The following SUMF1 variants were observed in gnomAD, a reference collection of about 807,000 sequenced individuals.
The protein encoded by SUMF1 is sulfatase modifying factor 1.
A neutral mutation model predicts 47.6 loss-of-function variants in SUMF1; 48 were observed. The observed-to-expected ratio is 1.01, with a 90% CI of 0.80 to 1.28. The LOEUF is 1.28. Ranked by LOEUF, SUMF1 falls within the 50% of genes most tolerant of loss-of-function variation. The pLI is 0.00. For synonymous variants in SUMF1, 230 were observed against 192.1 expected (o/e 1.20, Z -1.63); for missense variants, 571 against 485.4 (o/e 1.18, Z -1.66).
intron 8 of SUMF1, among the ~76,000 whole-genome samples, chr3:4,218,756 T>C (rs1377705144): frequency 6.6e-6 from 1 of 152,182 alleles, no homozygotes; most frequent in African/African-American, 2.4e-5. Flanking sequence ...AATTGAAAAC[T>C]AGACTAACTA....
intron 1 of SUMF1, among the ~76,000 whole-genome samples, chr3:4,462,905 G>A (rs921571420): frequency 6.6e-6 from 1 of 152,182 alleles, no homozygotes; most frequent in Non-Finnish European, 1.5e-5. Flanking sequence ...TGAGCTATAT[G>A]ATTCCTTTAA....
At chr3:4,269,791 G>C (rs1359506852) in intron 8 of SUMF1, among the ~76,000 whole-genome samples, 1 of 152,124 alleles carries the variant, frequency 6.6e-6, no homozygotes, top group African/African-American at 2.4e-5. Context: ...AATTCTACCA[G>C]AAATGCATCC....
At chr3:4,121,518 C>CT (rs1395320964) in intron 8 of SUMF1, among the ~76,000 whole-genome samples, 5 of 152,170 alleles carry the variant, frequency 3.3e-5, no homozygotes, top group Admixed American at 1.3e-4. Flanking sequence ...GGTAGACCTT[C>CT]TTTTTTTCTG....
At chr3:4,437,374 G>A (rs1702436577) in intron 3 of SUMF1, among the ~76,000 whole-genome samples, 3 of 152,006 alleles carry the variant, frequency 2.0e-5, no homozygotes, top group East Asian at 3.9e-4. Context: ...ACTAAATGAG[G>A]AGATATAAAG....
intron 9 of SUMF1, among the ~76,000 whole-genome samples, chr3:4,054,607 T>A (rs1193948233): frequency 6.6e-6 from 1 of 152,176 alleles, no homozygotes; most frequent in Non-Finnish European, 1.5e-5. Flanking sequence ...CACAGTCTTT[T>A]ACCATCAAGA....
rs565917517 is a variant in SUMF1, at chr3:4,280,232, T to C, written c.1014+96098A>G. On this transcript the variant is annotated intron_variant and NMD_transcript_variant, in intron 8 of 12. Transcript: ENST00000448413. ...TTTGTCAATTAAAAATTAAAATGTT[T>C]TAAAAAATTCCAAGAGGCATTTTAT... Among the ~76,000 whole-genome samples the C allele has an allele frequency of 6.6e-5, 10 of 152,274 alleles. No individual in the cohort carries two copies. The East Asian group carries it at 1.9e-3, about 29-fold the overall frequency.
rs1003459100 is a variant in SUMF1, at chr3:4,254,275, C to G, written c.1014+122055G>C. On this transcript the variant is annotated intron_variant and NMD_transcript_variant, in intron 8 of 12. Transcript: ENST00000448413. ...AAAGCTGGATGGAGAATGACTTTGA[C>G]GAGCTGAGAGAAGAAGGCTTCAGAC... Among the ~76,000 whole-genome samples the G allele has an allele frequency of 9.0e-3, 1,365 of 151,974 alleles. 21 individuals are homozygous for G. Among genetic ancestry groups the G allele is most frequent in the African/African-American group, 0.031 (1,304 of 41,440 alleles).
At chr3:4,111,647 G>C (rs920862297) in intron 8 of SUMF1, among the ~76,000 whole-genome samples, 5 of 152,020 alleles carry the variant, frequency 3.3e-5, no homozygotes, top group African/African-American at 1.2e-4. Flanking sequence ...GCTGAGGCAA[G>C]ACAATCGATT....
rs1692521863 is a variant in SUMF1, at chr3:4,079,837, A to G, written c.1015-11092T>C. ...ATCTAGTCCTATCTTTTAAACCTACAGATGGAGAAGCTGAAGCTGCAGAAA... is the reference window on the plus strand; with the variant it reads ...ATCTAGTCCTATCTTTTAAACCTACGGATGGAGAAGCTGAAGCTGCAGAAA... On this transcript the variant is annotated intron_variant and NMD_transcript_variant, in intron 8 of 12. Coordinates refer to the SUMF1 transcript ENST00000448413. 2.0e-5 allele frequency among the ~76,000 whole-genome samples: 3 copies of G among 151,410 alleles called. No individual in the cohort carries two copies. The South Asian group carries it at 6.3e-4, about 32-fold the overall frequency.
intron 8 of SUMF1, among the ~76,000 whole-genome samples, chr3:4,239,668 G>C (rs1264567538): frequency 3.3e-5 from 5 of 152,120 alleles, no homozygotes; most frequent in East Asian, 1.9e-4. Context: ...AGGAGATTTT[G>C]GGCTGAGATG....
chr3:4,303,387 C>A lies in SUMF1; in HGVS notation c.1014+72943G>T, dbSNP rs776257354. On this transcript the variant is annotated intron_variant and NMD_transcript_variant, in intron 8 of 12. Coordinates refer to the SUMF1 transcript ENST00000448413. ...GGCGGGTAAATGTTCGCGGAAGCGG[C>A]AAAGACGACACGGCCTTGTGGGATG... 5 of 1,555,778 alleles carry A rather than the reference C, an allele frequency of 3.2e-6. No individual in the cohort carries two copies. The South Asian group carries it at 6.1e-5, about 19-fold the overall frequency.
At chr3:4,278,020 C>G (rs1697453794) in intron 8 of SUMF1, among the ~76,000 whole-genome samples, 1 of 151,986 alleles carries the variant, frequency 6.6e-6, no homozygotes. Flanking sequence ...AAATGAATTT[C>G]TTTTTTCGCT....
chr3:4,341,364 T>C (rs911258354), intron 8 of SUMF1, among the ~76,000 whole-genome samples: 1 of 152,210 alleles, frequency 6.6e-6, no homozygotes, highest in East Asian at 1.9e-4. Flanking sequence ...ATGACCCTGG[T>C]AAACTAAGGG....
In SUMF1 at chr3:4,139,514, CTT is replaced by C. The variant is rs769299467; in HGVS notation, c.1015-70771_1015-70770del. On this transcript the variant is annotated intron_variant and NMD_transcript_variant, in intron 8 of 12. Transcript: ENST00000448413. Reference sequence around the variant, plus strand: ...TCATGTTGATAAAATGTATAATAAACTTATATACATGCATGTGTGTGTGTATA... The same window carrying C: ...TCATGTTGATAAAATGTATAATAAACATATACATGCATGTGTGTGTGTATA... Among the ~76,000 whole-genome samples the C allele has an allele frequency of 1.5e-3, 231 of 151,346 alleles. 2 individuals are homozygous for C. Among genetic ancestry groups the C allele is most frequent in the Admixed American group, 4.9e-3 (74 of 15,150 alleles).
At chr3:4,450,847 G>C (rs1702944938) in intron 2 of SUMF1, among the ~76,000 whole-genome samples, 1 of 152,094 alleles carries the variant, frequency 6.6e-6, no homozygotes, top group East Asian at 1.9e-4. Context: ...CCAAGTTCTT[G>C]AGGTGGGAAA....
At chr3:4,197,826 G>A (rs966418405) in intron 8 of SUMF1, among the ~76,000 whole-genome samples, 2 of 152,094 alleles carry the variant, frequency 1.3e-5, no homozygotes, top group African/African-American at 2.4e-5. Flanking sequence ...AATGAAGAAA[G>A]TGCCATTCTG....
rs149144558 is a variant in SUMF1 at position 4,072,529 on chromosome 3, C to G, written c.1015-3784G>C. 3.0e-3 allele frequency among the ~76,000 whole-genome samples: 452 copies of G among 152,158 alleles called. 4 individuals carry two copies. The highest frequency in any genetic ancestry group is 0.01 in the African/African-American group (431 of 41,518). On this transcript the variant is annotated intron_variant and NMD_transcript_variant, in intron 8 of 12. Coordinates refer to the SUMF1 transcript ENST00000448413. Reference sequence around the variant, plus strand: ...GCTTCAGAAGGTGGATAATCACAAACTTATCAGAGCTAAAGGAGCATGTTC... The same window carrying G: ...GCTTCAGAAGGTGGATAATCACAAAGTTATCAGAGCTAAAGGAGCATGTTC...
intron 8 of SUMF1, among the ~76,000 whole-genome samples, chr3:4,152,943 G>A (rs1461645012): frequency 6.6e-6 from 1 of 151,386 alleles, no homozygotes; most frequent in Admixed American, 6.6e-5. Flanking sequence ...TTGGTATCTG[G>A]TCAGCTTGCA....
intron 9 of SUMF1, among the ~76,000 whole-genome samples, chr3:4,065,998 C>T (rs780846610): frequency 2.0e-5 from 3 of 152,226 alleles, no homozygotes; most frequent in Non-Finnish European, 2.9e-5. Flanking sequence ...CCTTCCTGCT[C>T]CATTGTCTAA....
Sources: gnomAD v4.1 joint callset for allele counts (sites outside exome capture counted in the v4.1 genomes callset) on GRCh38, gnomAD v4.1.1 for gene constraint, MANE v1.5 for transcripts, NCBI Gene and HGNC (gene_info 2026-07-23, HGNC 2026-07-21) for gene names.